Variants in NXNL2 observed in about 807,000 individuals in gnomAD.
NXNL2 encodes nucleoredoxin like 2.
A neutral mutation model predicts 11.1 loss-of-function variants in NXNL2; 7 were observed. The observed-to-expected ratio is 0.63, with a 90% CI of 0.36 to 1.18. The LOEUF is 1.18. Among genes scored for constraint, NXNL2 ranks in the 50% most tolerant of loss-of-function variants. NXNL2 has a pLI of 0.02. For synonymous variants in NXNL2, 109 were observed against 101.8 expected, an observed-to-expected ratio of 1.07 and a Z score of -0.42; for missense variants, 233 against 217.7, an observed-to-expected ratio of 1.07 and a Z score of -0.44.
At chr9:88,552,098 C>T (rs1338713386) in intron 1 of NXNL2, among the ~76,000 whole-genome samples, 1 of 152,108 alleles carries the variant, frequency 6.6e-6, no homozygotes, top group African/African-American at 2.4e-5. Flanking sequence ...CCACTGGCTC[C>T]CAGTCATTTG....
At chr9:88,576,959 GT>G (rs1212681826), downstream of NXNL2, among the ~76,000 whole-genome samples, 1 of 14,684 alleles carries the variant, frequency 6.8e-5, no homozygotes, top group Non-Finnish European at 1.2e-4. Context: ...CACCCATAGA[GT>G]GGTAGGTAGG....
chr9:88,571,547 T>C (rs913001836), intron 2 of NXNL2, among the ~76,000 whole-genome samples: 1 of 152,200 alleles, frequency 6.6e-6, no homozygotes, highest in Admixed American at 6.5e-5. Flanking sequence ...AAATTCTCTT[T>C]CTCTCCTACC....
Position 88,535,253 on chromosome 9 carries a change from A to G in NXNL2, c.-182A>G. 5.1e-6 allele frequency: 3 copies of G among 591,220 alleles called. No homozygotes were observed. The highest frequency in any genetic ancestry group is 5.8e-6 in the Non-Finnish European group (2 of 343,364). The allele number at this position is 591,220 out of a possible 1,614,324, so 36.6% of individuals were successfully genotyped here. ...AGTGTCTCATTGTCGGCGCGAACAC[A>G]ATTGCTCCAGCCACAGGCGAGGCCT... On this transcript the variant is annotated 5_prime_UTR_variant, in exon 1 of 2. Transcript: ENST00000375854.
chr9:88,545,963 C>T (rs1829840035), downstream of NXNL2, among the ~76,000 whole-genome samples: 1 of 152,084 alleles, frequency 6.6e-6, no homozygotes, highest in Admixed American at 6.5e-5. Context: ...GACAGGGTTT[C>T]ATCATATTGG....
intron 1 of NXNL2, among the ~76,000 whole-genome samples, chr9:88,570,736 T>C (rs1830248639): frequency 6.6e-6 from 1 of 152,206 alleles, no homozygotes; most frequent in Non-Finnish European, 1.5e-5. Flanking sequence ...AGCCCAATAC[T>C]GGTTTTTGTT....
At chr9:88,540,297 A>G (rs994761667) in intron 1 of NXNL2, among the ~76,000 whole-genome samples, 2 of 150,680 alleles carry the variant, frequency 1.3e-5, no homozygotes, top group Non-Finnish European at 2.9e-5. Context: ...GTACCACTGC[A>G]CTCCAGTCTG....
intron 1 of NXNL2, among the ~76,000 whole-genome samples, chr9:88,555,059 A>C (rs535852550): frequency 1.3e-5 from 2 of 152,350 alleles, no homozygotes; most frequent in African/African-American, 4.8e-5. Context: ...GATGGTACAC[A>C]AGACTTGATG....
chr9:88,575,048 T>A (rs1830329109), intron 2 of NXNL2: 1 of 670,342 alleles, frequency 1.5e-6, no homozygotes, highest in Non-Finnish European at 1.8e-6. Context: ...TTAAAAGATC[T>A]GGCACTAAGC....
chr9:88,547,979 G>T (rs575054222), downstream of NXNL2, among the ~76,000 whole-genome samples: 3 of 151,474 alleles, frequency 2.0e-5, no homozygotes, highest in South Asian at 6.3e-4. Flanking sequence ...TCATACCACT[G>T]CACTCCAGCC....
intron 1 of NXNL2, among the ~76,000 whole-genome samples, chr9:88,556,782 T>C (rs889210215): frequency 2.4e-4 from 37 of 152,118 alleles, no homozygotes; most frequent in African/African-American, 8.2e-4. Context: ...CAGCCTTCCA[T>C]AGAAAGATGT....
At chr9:88,543,521 C>G (rs780796316) in intron 1 of NXNL2, among the ~76,000 whole-genome samples, 31 of 152,172 alleles carry the variant, frequency 2.0e-4, no homozygotes, top group Non-Finnish European at 3.5e-4. Flanking sequence ...CCACCTCAGT[C>G]TCCTGAAGTG....
At position 88,559,235 on chromosome 9, in the gene NXNL2, C is replaced by A. The variant is rs79526993; in HGVS notation, c.303-11852C>A. 4.1e-3 allele frequency among the ~76,000 whole-genome samples: 631 copies of A among 152,178 alleles called. 7 individuals are homozygous for A. The highest frequency in any genetic ancestry group is 3.5e-3 in the Non-Finnish European group (238 of 68,008). Reference sequence around the variant, plus strand: ...TGTTGGGATGGCATGTGCTCAGGCCCGGGAGGAGGCCTGCTCATGGCCCGT... The same window carrying A: ...TGTTGGGATGGCATGTGCTCAGGCCAGGGAGGAGGCCTGCTCATGGCCCGT... On this transcript the variant is annotated intron_variant, in intron 1 of 2. Coordinates refer to the NXNL2 transcript ENST00000375855.
chr9:88,558,952 C>T (rs555778521), intron 1 of NXNL2, among the ~76,000 whole-genome samples: 1 of 152,194 alleles, frequency 6.6e-6, no homozygotes, highest in East Asian at 1.9e-4. Context: ...TGATGTGGTC[C>T]CTGTCCCCAT....
At chr9:88,536,177 G>A (rs7866332) in intron 1 of NXNL2, among the ~76,000 whole-genome samples, 3,573 of 152,262 alleles carry the variant, frequency 0.023, 132 homozygotes, top group African/African-American at 0.081. Flanking sequence ...ATGACCCGGT[G>A]TCTGGATGCG....
intron 1 of NXNL2, among the ~76,000 whole-genome samples, chr9:88,558,281 G>A (rs556447399): frequency 8.9e-4 from 135 of 152,272 alleles, no homozygotes; most frequent in African/African-American, 3.2e-3. Flanking sequence ...CCCCAAAAGA[G>A]CAGAGTTTGG....
intron 1 of NXNL2, among the ~76,000 whole-genome samples, chr9:88,559,735 T>C (rs1465212445): frequency 6.6e-6 from 1 of 152,204 alleles, no homozygotes; most frequent in Non-Finnish European, 1.5e-5. Flanking sequence ...GACCAGTAAG[T>C]CCCTCTACCC....
chr9:88,543,236 G>A (rs1306322899), intron 1 of NXNL2, among the ~76,000 whole-genome samples: 1 of 152,020 alleles, frequency 6.6e-6, no homozygotes, highest in Non-Finnish European at 1.5e-5. Flanking sequence ...GTCAAGTGAA[G>A]CTCTAGATGT....
downstream of NXNL2, among the ~76,000 whole-genome samples, chr9:88,576,311 A>G (rs1398254691): frequency 6.6e-6 from 1 of 152,230 alleles, no homozygotes; most frequent in Non-Finnish European, 1.5e-5. Flanking sequence ...AGACTTCTCA[A>G]GGTTTCTCGA....
chr9:88,568,275 T>C (rs1365160740), intron 1 of NXNL2, among the ~76,000 whole-genome samples: 1 of 152,224 alleles, frequency 6.6e-6, no homozygotes. Flanking sequence ...TGCCCACATG[T>C]GGCTAGTGGC....
Sources: gnomAD v4.1 joint callset for allele counts (sites outside exome capture counted in the v4.1 genomes callset) on GRCh38, gnomAD v4.1.1 for gene constraint, MANE v1.5 for transcripts, NCBI Gene and HGNC (gene_info 2026-07-23, HGNC 2026-07-21) for gene names.